Variants in RAPGEF4 observed in about 807,000 individuals in gnomAD.
RAPGEF4 encodes RAP guanine-nucleotide-exchange factor (GEF) 4.
Under a neutral mutation model 147.9 loss-of-function variants are expected in RAPGEF4, and 66 were observed. That is an observed-to-expected ratio of 0.45 (90% CI 0.37 to 0.55). The LOEUF is 0.55. Ranked by LOEUF, RAPGEF4 falls within the 20% of genes least tolerant of loss-of-function variation. The pLI is 0.00. For synonymous variants in RAPGEF4, 419 were observed against 442.7 expected, an observed-to-expected ratio of 0.95 and a Z score of 0.67; for missense variants, 1,071 against 1,257.3, an observed-to-expected ratio of 0.85 and a Z score of 2.24.
chr2:172,875,662 A>T (rs796702727), intron 4 of RAPGEF4, among the ~76,000 whole-genome samples: 1 of 152,048 alleles, frequency 6.6e-6, no homozygotes, highest in Non-Finnish European at 1.5e-5. Flanking sequence ...CTTGTAGTAT[A>T]GTTTGAAGTC....
At chr2:172,936,200 T>C (rs921799619) in intron 6 of RAPGEF4, among the ~76,000 whole-genome samples, 2 of 152,170 alleles carry the variant, frequency 1.3e-5, no homozygotes, top group African/African-American at 4.8e-5. Flanking sequence ...GAAATCTGTC[T>C]CTACTAAAGT....
chr2:172,919,994 C>T (rs1684560990), intron 5 of RAPGEF4, among the ~76,000 whole-genome samples: 1 of 152,096 alleles, frequency 6.6e-6, no homozygotes, highest in Admixed American at 6.5e-5. Context: ...GATTTTAGGG[C>T]AGAGATGAGT....
intron 6 of RAPGEF4, among the ~76,000 whole-genome samples, chr2:172,941,466 ATTCAC>A (rs1383664083): frequency 1.3e-5 from 2 of 152,200 alleles, no homozygotes; most frequent in African/African-American, 2.4e-5. Context: ...GATGAAAAAT[ATTCAC>A]TTCACGAAGT....
At chr2:172,891,160 G>T (rs549293734) in intron 4 of RAPGEF4, among the ~76,000 whole-genome samples, 1 of 152,210 alleles carries the variant, frequency 6.6e-6, no homozygotes, top group South Asian at 2.1e-4. Flanking sequence ...TTTCAAGATG[G>T]TAACAGCACA....
intron 4 of RAPGEF4, among the ~76,000 whole-genome samples, chr2:172,901,451 T>G (rs1170321723): frequency 6.6e-6 from 1 of 152,258 alleles, no homozygotes; most frequent in Non-Finnish European, 1.5e-5. Context: ...TTTAAATGGC[T>G]TCTTTCATCC....
chr2:172,803,422 G>C (rs944541977), intron 3 of RAPGEF4, among the ~76,000 whole-genome samples: 6 of 152,198 alleles, frequency 3.9e-5, no homozygotes, highest in Admixed American at 1.3e-4. Context: ...GCTGTACCAT[G>C]GCCCCTTTTG....
chr2:172,798,835 C>A (rs915364619), intron 3 of RAPGEF4, among the ~76,000 whole-genome samples: 4 of 152,146 alleles, frequency 2.6e-5, no homozygotes, highest in Non-Finnish European at 5.9e-5. Context: ...GGGTGATACC[C>A]ATTGTAATGG....
intron 4 of RAPGEF4, among the ~76,000 whole-genome samples, chr2:172,857,909 A>G (rs1348190806): frequency 3.7e-3 from 16 of 4,362 alleles, no homozygotes; most frequent in Non-Finnish European, 9.1e-3. Flanking sequence ...AAAAAAAAAA[A>G]AAAAAAAAAA....
At chr2:172,907,147 T>G (rs1699712014) in intron 4 of RAPGEF4, among the ~76,000 whole-genome samples, 1 of 152,258 alleles carries the variant, frequency 6.6e-6, no homozygotes, top group African/African-American at 2.4e-5. Flanking sequence ...TGATTGGCTG[T>G]GAGGTAGACC....
chr2:173,047,692 C>G (rs1222518677), intron 29 of RAPGEF4, among the ~76,000 whole-genome samples: 24 of 110,888 alleles, frequency 2.2e-4, no homozygotes, highest in Admixed American at 4.5e-4. Flanking sequence ...TTTTTTTTTT[C>G]TTGAGACGGA....
At chr2:172,870,144 G>T (rs1279062079) in intron 4 of RAPGEF4, among the ~76,000 whole-genome samples, 1 of 152,078 alleles carries the variant, frequency 6.6e-6, no homozygotes, top group Non-Finnish European at 1.5e-5. Context: ...TTCACCTGCA[G>T]CTTACCCAAT....
intron 4 of RAPGEF4, among the ~76,000 whole-genome samples, chr2:172,873,648 C>A (rs530273013): frequency 6.6e-6 from 1 of 152,272 alleles, no homozygotes; most frequent in East Asian, 1.9e-4. Context: ...ACAAAAACTT[C>A]ATGACTAAAA....
intron 17 of RAPGEF4, among the ~76,000 whole-genome samples, chr2:173,001,759 G>A (rs967175710): frequency 7.2e-5 from 11 of 152,054 alleles, no homozygotes; most frequent in African/African-American, 2.7e-4. Context: ...GGAGCGAGGT[G>A]GGGGAGGTGG....
intron 6 of RAPGEF4, among the ~76,000 whole-genome samples, chr2:172,946,911 T>C (rs963523289): frequency 1.3e-5 from 2 of 152,224 alleles, no homozygotes; most frequent in Admixed American, 6.5e-5. Flanking sequence ...CCTATAAAAC[T>C]GTATGCATTT....
intron 17 of RAPGEF4, among the ~76,000 whole-genome samples, chr2:173,005,495 TTTGTTGTTG>T (rs138462198): frequency 6.8e-6 from 1 of 147,514 alleles, no homozygotes; most frequent in African/African-American, 2.6e-5. Flanking sequence ...GTATATTATT[TTTGTTGTTG>T]TTGTTGTTGT....
chr2:172,825,114 A>AC (rs1037409271), intron 4 of RAPGEF4, among the ~76,000 whole-genome samples: 1 of 152,174 alleles, frequency 6.6e-6, no homozygotes, highest in Admixed American at 6.5e-5. Context: ...ACCTAGATAA[A>AC]CCCATTGTAA....
chr2:172,962,441 G>C (rs1225105560), intron 8 of RAPGEF4, among the ~76,000 whole-genome samples: 1 of 152,108 alleles, frequency 6.6e-6, no homozygotes, highest in Non-Finnish European at 1.5e-5. Context: ...TCAGGAATTT[G>C]AGCATAAATA....
chr2:172,812,675 A>G (rs1218260270), intron 3 of RAPGEF4, among the ~76,000 whole-genome samples: 1 of 152,222 alleles, frequency 6.6e-6, no homozygotes, highest in Non-Finnish European at 1.5e-5. Flanking sequence ...ATAACCATAT[A>G]TATGTAAAAT....
At chr2:172,844,309 G>T (rs1691936302) in intron 4 of RAPGEF4, among the ~76,000 whole-genome samples, 1 of 152,190 alleles carries the variant, frequency 6.6e-6, no homozygotes, top group African/African-American at 2.4e-5. Flanking sequence ...TTTGGGCAGA[G>T]TCCAGGGTTA....
Sources: gnomAD v4.1 joint callset for allele counts (sites outside exome capture counted in the v4.1 genomes callset) on GRCh38, gnomAD v4.1.1 for gene constraint, MANE v1.5 for transcripts, NCBI Gene and HGNC (gene_info 2026-07-23, HGNC 2026-07-21) for gene names.